Variants in SMOC2 observed in about 807,000 individuals in gnomAD.
SMOC2 encodes the protein SPARC related modular calcium binding 2, also known as SPARC-related modular calcium-binding protein 2.
In SMOC2, 39 loss-of-function variants were observed where a neutral mutation model predicts 61.4. The ratio of observed to expected loss-of-function variants is 0.64; its 90% CI spans 0.49 to 0.83. SMOC2 has a LOEUF of 0.83. Ranked by LOEUF, SMOC2 falls within the 40% of genes least tolerant of loss-of-function variation. The pLI is 0.00. For missense variants in SMOC2, 556 were observed against 592.9 expected, an observed-to-expected ratio of 0.94 and a Z score of 0.65; for synonymous variants, 247 against 239.9, an observed-to-expected ratio of 1.03 and a Z score of -0.27.
intron 8 of SMOC2, 100 bp downstream of exon 8, chr6:168,599,104 ACAGT>A: frequency 9.6e-7 from 1 of 1,043,184 alleles, no homozygotes; most frequent in East Asian, 2.6e-5. Context: ...ACACCGACAC[ACAGT>A]CACACACACA....
intron 1 of SMOC2, among the ~76,000 whole-genome samples, chr6:168,463,497 G>T (rs552237967): frequency 6.6e-6 from 1 of 152,106 alleles, no homozygotes; most frequent in Admixed American, 6.5e-5. Context: ...AATGCATGTC[G>T]ACATTTAAGG....
chr6:168,655,917 TA>T (rs1248967422), intron 11 of SMOC2, among the ~76,000 whole-genome samples: 3 of 152,074 alleles, frequency 2.0e-5, no homozygotes, highest in African/African-American at 7.2e-5. Flanking sequence ...TGTACACATG[TA>T]CTGGATCCCA....
intron 1 of SMOC2, among the ~76,000 whole-genome samples, chr6:168,494,236 A>G (rs987460889): frequency 5.3e-5 from 8 of 152,120 alleles, no homozygotes; most frequent in Admixed American, 2.0e-4. Flanking sequence ...CCTTCTACAC[A>G]CTGTGAGTGC....
chr6:168,594,458 C>T (rs1282438082), intron 7 of SMOC2, among the ~76,000 whole-genome samples: 1 of 2,590 alleles, frequency 3.9e-4, no homozygotes. Flanking sequence ...AGCTCCTCCT[C>T]CTTCCTGAGG....
At chr6:168,663,239 G>A (rs898317004) in intron 11 of SMOC2, among the ~76,000 whole-genome samples, 8 of 152,200 alleles carry the variant, frequency 5.3e-5, no homozygotes, top group African/African-American at 1.9e-4. Context: ...GCTGAGCTGA[G>A]AGCAGGAAGG....
At chr6:168,526,745 G>A (rs1783464123) in intron 3 of SMOC2, among the ~76,000 whole-genome samples, 1 of 152,148 alleles carries the variant, frequency 6.6e-6, no homozygotes, top group Non-Finnish European at 1.5e-5. Context: ...CTTCCTTAGT[G>A]AGGCCAATTA....
At chr6:168,514,124 C>A (rs569275441) in intron 2 of SMOC2, among the ~76,000 whole-genome samples, 1 of 152,260 alleles carries the variant, frequency 6.6e-6, no homozygotes, top group East Asian at 1.9e-4. Context: ...CCGACCCCAC[C>A]CAGCTTCCCT....
At chr6:168,578,782 A>C (rs1241688777) in intron 7 of SMOC2, among the ~76,000 whole-genome samples, 1 of 152,218 alleles carries the variant, frequency 6.6e-6, no homozygotes, top group East Asian at 1.9e-4. Flanking sequence ...TATTATGAAG[A>C]ATTGGACGTG....
rs544803029 is a variant in SMOC2, at chr6:168,498,815, C to A, written c.85-11100C>A. On this transcript the variant is annotated intron_variant, in intron 1 of 12. Coordinates refer to ENST00000356284, the MANE Select transcript of SMOC2 (RefSeq NM_001166412.2). ...CGAGTCAGAGTCTCTGGGGGGATGG[C>A]CAGGGCCCATAGCCTGTCTACTACA... Among the ~76,000 whole-genome samples, 29 of 136,312 alleles carry A rather than the reference C, an allele frequency of 2.1e-4. No homozygotes were observed. The South Asian group carries it at 6.7e-3, about 32-fold the overall frequency. The allele number at this position is 136,312 out of a possible 152,430, so 89.4% of individuals were successfully genotyped here.
At chr6:168,474,738 G>A (rs956139012) in intron 1 of SMOC2, among the ~76,000 whole-genome samples, 3 of 152,082 alleles carry the variant, frequency 2.0e-5, no homozygotes, top group Non-Finnish European at 2.9e-5. Context: ...GCACAGTGAC[G>A]AGCCCAGCAG....
chr6:168,614,293 C>G (rs1403207038), intron 9 of SMOC2, among the ~76,000 whole-genome samples: 2 of 77,074 alleles, frequency 2.6e-5, no homozygotes, highest in Non-Finnish European at 5.2e-5. Flanking sequence ...AGCACAGGGC[C>G]TCTTCACACC....
At chr6:168,631,229 T>A (rs779606785) in intron 9 of SMOC2, among the ~76,000 whole-genome samples, 1 of 152,194 alleles carries the variant, frequency 6.6e-6, no homozygotes, top group Non-Finnish European at 1.5e-5. Flanking sequence ...GTCCCTTTAT[T>A]TCTCAAGCCG....
intron 1 of SMOC2, among the ~76,000 whole-genome samples, chr6:168,457,858 C>A (rs933211826): frequency 6.6e-6 from 1 of 152,044 alleles, no homozygotes; most frequent in Admixed American, 6.6e-5. Flanking sequence ...CCAGTTGTTT[C>A]TTTTTTCATG....
chr6:168,526,759 C>G (rs986829123), intron 3 of SMOC2, among the ~76,000 whole-genome samples: 1 of 152,090 alleles, frequency 6.6e-6, no homozygotes, highest in East Asian at 1.9e-4. Context: ...CCAATTAGAC[C>G]GTGCTAACCT....
chr6:168,584,658 T>G (rs1785005946), intron 7 of SMOC2, among the ~76,000 whole-genome samples: 1 of 152,234 alleles, frequency 6.6e-6, no homozygotes, highest in Non-Finnish European at 1.5e-5. Flanking sequence ...AAAAAATATG[T>G]TGCCAATTAA....
intron 1 of SMOC2, among the ~76,000 whole-genome samples, chr6:168,456,291 G>T (rs966005143): frequency 2.6e-5 from 4 of 152,200 alleles, no homozygotes; most frequent in Admixed American, 2.6e-4. Flanking sequence ...CAAGAGCAAG[G>T]CTCTGGGTTT....
At chr6:168,548,558 G>T (rs1024813420) in intron 6 of SMOC2, among the ~76,000 whole-genome samples, 2 of 151,512 alleles carry the variant, frequency 1.3e-5, no homozygotes, top group African/African-American at 2.4e-5. Flanking sequence ...TAGAGACAGG[G>T]TTTCACCATG....
At chr6:168,629,705 G>A (rs1014743469) in intron 9 of SMOC2, among the ~76,000 whole-genome samples, 8 of 152,196 alleles carry the variant, frequency 5.3e-5, no homozygotes, top group Non-Finnish European at 7.3e-5. Flanking sequence ...TTAAGCAGAT[G>A]TGGACTGAGT....
chr6:168,666,255 C>T (rs1033623985), intron 12 of SMOC2, among the ~76,000 whole-genome samples, 166 bp from the exon 13 acceptor site: 4 of 151,906 alleles, frequency 2.6e-5, no homozygotes, highest in Non-Finnish European at 4.4e-5. Context: ...TAAGAAGTTA[C>T]CAGTGTCCAA....
Sources: allele counts gnomAD v4.1 joint callset (sites outside exome capture counted in the v4.1 genomes callset), GRCh38; gene constraint gnomAD v4.1.1; transcripts MANE v1.5; gene names NCBI Gene and HGNC (gene_info 2026-07-23, HGNC 2026-07-21).